PIK3C3: variants seen among roughly 807,000 people sequenced by gnomAD.
PIK3C3 encodes PI3-kinase type 3.
Under a neutral mutation model 126.1 loss-of-function variants are expected in PIK3C3, and 95 were observed. The observed-to-expected ratio is 0.75, with a 90% CI of 0.64 to 0.89. The LOEUF (loss-of-function observed/expected upper bound fraction) is 0.89. PIK3C3 is among the 40% of genes least tolerant of loss of function. PIK3C3 has a pLI of 0.00. For missense variants in PIK3C3, 829 were observed against 1,063.2 expected, an observed-to-expected ratio of 0.78 and a Z score of 3.06; for synonymous variants, 374 against 360.0, an observed-to-expected ratio of 1.04 and a Z score of -0.44.
In PIK3C3 at chr18:42,074,873, A is replaced by G. The variant is rs115753898; in HGVS notation, c.2650-6250A>G. On this transcript the variant is annotated intron_variant, in intron 24 of 24. Transcript: ENST00000262039. ...TTCCCTCATACGTGCCAGACTAGAG[A>G]ACATGGGATGCTCTCTAGTTTTAAA... Among the ~76,000 whole-genome samples, 570 of 152,218 alleles carry G rather than the reference A, an allele frequency of 3.7e-3. 7 individuals are homozygous for G. Among genetic ancestry groups the G allele is most frequent in the African/African-American group, 0.013 (532 of 41,540 alleles).
intron 23 of PIK3C3, among the ~76,000 whole-genome samples, chr18:42,066,710 A>C (rs1985555812): frequency 6.6e-6 from 1 of 152,236 alleles, no homozygotes. Context: ...TATATATAAA[A>C]TATACGCACA....
intron 13 of PIK3C3, among the ~76,000 whole-genome samples, chr18:42,022,442 A>T (rs1473218372): frequency 6.6e-6 from 1 of 152,148 alleles, no homozygotes; most frequent in African/African-American, 2.4e-5. Context: ...AGCTTCATCC[A>T]TGTCCCTACA....
intron 1 of PIK3C3, among the ~76,000 whole-genome samples, chr18:41,957,318 T>G (rs112774148): frequency 8.9e-4 from 135 of 152,246 alleles, no homozygotes; most frequent in African/African-American, 3.2e-3. Context: ...TAGAGAAATG[T>G]GTTGATGAAG....
chr18:42,073,389 G>T (rs1841445374), intron 24 of PIK3C3, among the ~76,000 whole-genome samples: 1 of 152,184 alleles, frequency 6.6e-6, no homozygotes, highest in South Asian at 2.1e-4. Flanking sequence ...AAAAAAAATG[G>T]AAGGAGGAAA....
chr18:42,013,105 C>T (rs1982905500), intron 10 of PIK3C3, among the ~76,000 whole-genome samples: 1 of 146,100 alleles, frequency 6.8e-6, no homozygotes, highest in Non-Finnish European at 1.5e-5. Context: ...CATCTTGAAT[C>T]CTTCCCACTT....
intron 4 of PIK3C3, among the ~76,000 whole-genome samples, chr18:41,985,697 C>T (rs1820735926): frequency 6.6e-6 from 1 of 152,068 alleles, no homozygotes; most frequent in Non-Finnish European, 1.5e-5. Flanking sequence ...AACTTATTTT[C>T]ATAGTGACTG....
intron 19 of PIK3C3, among the ~76,000 whole-genome samples, chr18:42,041,486 A>AG (rs555403711): frequency 7.4e-6 from 1 of 135,438 alleles, no homozygotes. Context: ...ATATGTTTGG[A>AG]TTTTTTTTTT....
chr18:41,996,866 A>AT (rs1982050749), intron 9 of PIK3C3, 136 bp downstream of exon 9: 2 of 434,096 alleles, frequency 4.6e-6, no homozygotes, highest in African/African-American at 2.0e-5. Context: ...ATGAGACTCC[A>AT]TTTTTTAAAA....
intron 4 of PIK3C3, among the ~76,000 whole-genome samples, chr18:41,982,912 G>T (rs1464638088): frequency 1.3e-5 from 2 of 152,088 alleles, no homozygotes; most frequent in African/African-American, 4.8e-5. Context: ...ATTTGTAAAG[G>T]CTGGAGGGTT....
chr18:42,053,160 A>G (rs1026359857), intron 21 of PIK3C3: 2 of 152,178 alleles, frequency 1.3e-5, no homozygotes, highest in African/African-American at 2.4e-5. Flanking sequence ...TCTACCCTGT[A>G]AATATAGATG....
chr18:42,060,466 G>T (rs1398028915), intron 22 of PIK3C3, among the ~76,000 whole-genome samples: 2 of 152,092 alleles, frequency 1.3e-5, no homozygotes, highest in Non-Finnish European at 2.9e-5. Flanking sequence ...ATTTTCAATA[G>T]TGAAATAAGG....
chr18:41,994,167 A>G (rs1361952298), intron 7 of PIK3C3, among the ~76,000 whole-genome samples: 1 of 152,144 alleles, frequency 6.6e-6, no homozygotes, highest in Non-Finnish European at 1.5e-5. Context: ...CTGATGGCCT[A>G]ATATCAAAGG....
At chr18:42,036,773 T>G (rs1397811701) in intron 16 of PIK3C3, among the ~76,000 whole-genome samples, 8 of 152,156 alleles carry the variant, frequency 5.3e-5, no homozygotes. Flanking sequence ...ATTTTATAAA[T>G]GAGGAATTTG....
Position 42,064,665 on chromosome 18 carries a change from A to G in PIK3C3, c.2433-75A>G. On this transcript the variant is annotated intron_variant, in intron 22 of 24. Coordinates refer to ENST00000262039, the MANE Select transcript of PIK3C3 (RefSeq NM_002647.4). ...TAGAAATCCAAGTACCACTACTTCT[A>G]AAGTATTCTTAATATGAGAAAGAAA... 2.7e-6 allele frequency: 2 copies of G among 729,578 alleles called. 1 individual carries two copies. Among genetic ancestry groups the G allele is most frequent in the Middle Eastern group, 7.1e-4 (2 of 2,814 alleles). 45.2% of individuals were successfully genotyped at this position (729,578 alleles called of 1,614,324 possible).
At chr18:41,970,186 A>C (rs1980585593) in intron 3 of PIK3C3, 141 bp from the exon 4 acceptor site, 1 of 680,144 alleles carries the variant, frequency 1.5e-6, no homozygotes, top group Admixed American at 2.8e-5. Context: ...TAATTGCTTT[A>C]CATTCCATTG....
At chr18:41,997,333 A>C (rs1342310644) in intron 9 of PIK3C3, among the ~76,000 whole-genome samples, 5 of 152,090 alleles carry the variant, frequency 3.3e-5, no homozygotes. Context: ...TCAAAGCTCA[A>C]AGCTAGACAT....
chr18:42,043,911 ATAT>A, intron 20 of PIK3C3, 94 bp downstream of exon 20: 1 of 778,442 alleles, frequency 1.3e-6, no homozygotes. Flanking sequence ...GAACATGTTA[ATAT>A]TTAAATGCTC....
chr18:42,060,933 T>C (rs747653665), intron 22 of PIK3C3, among the ~76,000 whole-genome samples: 37 of 152,230 alleles, frequency 2.4e-4, no homozygotes, highest in African/African-American at 4.3e-4. Flanking sequence ...AGTACACTTA[T>C]TGAATAACAC....
At position 42,082,748 on chromosome 18, in the gene PIK3C3, G is replaced by A. The variant is rs1213806896; in HGVS notation, c.*1611G>A. 6.6e-6 allele frequency: 1 copy of A among 151,990 alleles called. No individual in the cohort carries two copies. Among genetic ancestry groups the A allele is most frequent in the Non-Finnish European group, 1.5e-5 (1 of 68,020 alleles). 9.4% of individuals were successfully genotyped at this position (151,990 alleles called of 1,614,324 possible). A position where few individuals can be genotyped will look rare whatever the true frequency, so the allele number is the denominator to read the frequency against. ...ATTTGGCATACTTTTTCTTTAATGGGCTAAGAAAGTAAATATCTTCAGCTT... is the reference window on the plus strand; with the variant it reads ...ATTTGGCATACTTTTTCTTTAATGGACTAAGAAAGTAAATATCTTCAGCTT... On this transcript the variant is annotated 3_prime_UTR_variant, in exon 25 of 25. Transcript: ENST00000262039.
Sources: gnomAD v4.1 joint callset for allele counts (sites outside exome capture counted in the v4.1 genomes callset) on GRCh38, gnomAD v4.1.1 for gene constraint, MANE v1.5 for transcripts, NCBI Gene and HGNC (gene_info 2026-07-23, HGNC 2026-07-21) for gene names.